The following MKNK1 variants were observed in gnomAD, a reference collection of about 807,000 sequenced individuals.
The protein encoded by MKNK1 is MAPK interacting serine/threonine kinase 1, also known as MAP kinase-interacting serine/threonine-protein kinase 1.
A neutral mutation model predicts 49.3 loss-of-function variants in MKNK1; 30 were observed. The ratio of observed to expected loss-of-function variants is 0.61; its 90% confidence interval spans 0.46 to 0.83. MKNK1 has a LOEUF of 0.83. Ranked by LOEUF, MKNK1 falls within the 40% of genes least tolerant of loss-of-function variation. The pLI, the probability that MKNK1 is intolerant of heterozygous loss-of-function variation, is 0.00. For missense variants in MKNK1, 423 were observed against 524.7 expected (o/e 0.81, Z 1.89); for synonymous variants, 176 against 201.7 (o/e 0.87, Z 1.08).
chr1:46,599,089 T>C (rs1674421027), intron 1 of MKNK1, among the ~76,000 whole-genome samples: 1 of 152,224 alleles, frequency 6.6e-6, no homozygotes, highest in South Asian at 2.1e-4. Flanking sequence ...GCTTCTGATA[T>C]GGCTTCCCCA....
chr1:46,576,378 A>G (rs1351546635), intron 5 of MKNK1, 197 bp downstream of exon 5: 2 of 555,658 alleles, frequency 3.6e-6, no homozygotes, highest in African/African-American at 1.9e-5. Flanking sequence ...AGTATTTCAG[A>G]AGAGATAATA....
At chr1:46,596,871 A>G (rs1194754101) in intron 1 of MKNK1, among the ~76,000 whole-genome samples, 1 of 152,224 alleles carries the variant, frequency 6.6e-6, no homozygotes, top group African/African-American at 2.4e-5. Flanking sequence ...GAATAAACTG[A>G]CAGCAAATAC....
chr1:46,592,169 G>A lies in MKNK1; in HGVS notation c.-3+1944C>T, dbSNP rs141237665. The stretch of plus-strand genomic sequence containing the variant: ...GCAGGAGAATCACTTGAACCCGGGA[G>A]GCGGAGGTTGCAGTGAGCCGAGGTC... On this transcript the variant is annotated intron_variant, in intron 2 of 12. Coordinates refer to ENST00000371945, the MANE Select transcript of MKNK1 (RefSeq NM_001135553.4). 7.5e-4 allele frequency among the ~76,000 whole-genome samples: 115 copies of A among 152,352 alleles called. 1 individual carries two copies. Among genetic ancestry groups the A allele is most frequent in the African/African-American group, 2.5e-3 (106 of 41,590 alleles).
chr1:46,564,579 C>T (rs1010140777), intron 9 of MKNK1, among the ~76,000 whole-genome samples: 5 of 144,190 alleles, frequency 3.5e-5, no homozygotes, highest in Non-Finnish European at 7.5e-5. Context: ...CGGGTTCAAG[C>T]GATTCTCCTG....
At chr1:46,567,868 C>T (rs1669350781) in intron 8 of MKNK1, among the ~76,000 whole-genome samples, 1 of 152,212 alleles carries the variant, frequency 6.6e-6, no homozygotes, top group Non-Finnish European at 1.5e-5. Context: ...CGTTTGCAAT[C>T]CCAGTACTTT....
intron 6 of MKNK1, chr1:46,574,561 C>CAAACA (rs1289319275): frequency 2.4e-5 from 4 of 167,502 alleles, no homozygotes; most frequent in Admixed American, 1.8e-4. Context: ...GTCTGTGTCC[C>CAAACA]AAACAATAGG....
In MKNK1 at chr1:46,581,425, G is replaced by A. The variant is rs144044527; in HGVS notation, c.101-798C>T. Among the ~76,000 whole-genome samples the A allele has an allele frequency of 9.8e-3, 1,451 of 147,762 alleles. 24 individuals carry two copies. The highest frequency in any genetic ancestry group is 0.034 in the African/African-American group (1,367 of 39,794). ...TTTCGGGGGCTGAGGCAGGAGAATC[G>A]CTTGAACCCGAGAGGCGGAGGTTGT... On this transcript the variant is annotated intron_variant, in intron 3 of 12. Transcript: ENST00000371945.
chr1:46,576,282 C>A (rs980626441), intron 5 of MKNK1: 4 of 334,950 alleles, frequency 1.2e-5, no homozygotes, highest in African/African-American at 2.1e-5. Flanking sequence ...CCACAGGTAC[C>A]GAAAGAAATA....
rs943787495 is a variant in MKNK1 at position 46,589,819 on chromosome 1, TC to T, written c.-3+4293del. On this transcript the variant is annotated intron_variant, in intron 2 of 12. Coordinates refer to ENST00000371945, the MANE Select transcript of MKNK1 (RefSeq NM_001135553.4). This position sits in a 1 kb window ranked among gnomAD's most constrained non-coding sequence, Gnocchi z 4.3. Reference sequence around the variant, plus strand: ...CCCTCTGGAAGAACTGTGTTACTTCTCCATAGTCTTATGAGCCACATTGTCC... The same window carrying T: ...CCCTCTGGAAGAACTGTGTTACTTCTCATAGTCTTATGAGCCACATTGTCC... Among the ~76,000 whole-genome samples the T allele has an allele frequency of 4.6e-5, 7 of 152,236 alleles. No individual in the cohort carries two copies. Among genetic ancestry groups the T allele is most frequent in the Admixed American group, 1.3e-4 (2 of 15,292 alleles).
intron 4 of MKNK1, among the ~76,000 whole-genome samples, chr1:46,579,570 C>T (rs1035559509): frequency 1.2e-4 from 19 of 152,226 alleles, no homozygotes; most frequent in African/African-American, 4.6e-4. Context: ...GTGTCAGAGT[C>T]ACCAGGAGAG....
rs564117241 is a variant in MKNK1, at chr1:46,567,992, C to T, written c.513+451G>A. On this transcript the variant is annotated intron_variant, in intron 8 of 12. Coordinates refer to ENST00000371945, the MANE Select transcript of MKNK1 (RefSeq NM_001135553.4). ...CAAAAATTAGCCAGGTGTGGTGGCA[C>T]ATGCCTGTTGTCTCAGCTACTTGGG... 1.0e-3 allele frequency among the ~76,000 whole-genome samples: 157 copies of T among 152,150 alleles called. 4 individuals are homozygous for T. The South Asian group carries it at 0.031, about 30-fold the overall frequency.
rs773009733 is a variant in MKNK1, at chr1:46,576,574, C to T, written c.278+1G>A. Reference sequence around the variant, plus strand: ...AGCAGCGAGAATCACATGATACTCACTTGTTTCCCTGACACTGATACAGCG... The same window carrying T: ...AGCAGCGAGAATCACATGATACTCATTTGTTTCCCTGACACTGATACAGCG... On this transcript the variant is annotated splice_donor_variant, in intron 5 of 12. Coordinates refer to ENST00000371945, the MANE Select transcript of MKNK1 (RefSeq NM_001135553.4). LOFTEE classifies it high-confidence loss of function. 2 of 1,613,268 alleles carry T rather than the reference C, an allele frequency of 1.2e-6. No individual in the cohort carries two copies. The highest frequency in any genetic ancestry group is 1.7e-6 in the Non-Finnish European group (2 of 1,179,244).
rs375590958 is a variant in MKNK1 at position 46,563,937 on chromosome 1, C to T, written c.610-1094G>A. ...GCGGGCGCCTGTAGTCCCAGCTACT[C>T]GGGAGGCTGAGGCAGGAGGATGGCA... is the stretch of plus-strand genomic sequence containing the variant. On this transcript the variant is annotated intron_variant, in intron 9 of 12. Coordinates refer to ENST00000371945, the MANE Select transcript of MKNK1 (RefSeq NM_001135553.4). Among the ~76,000 whole-genome samples the T allele has an allele frequency of 4.4e-3, 362 of 82,314 alleles. 7 individuals carry two copies. The East Asian group carries it at 0.044, about 10-fold the overall frequency. The allele number at this position is 82,314 out of a possible 152,430, so 54.0% of individuals were successfully genotyped here. A position where few individuals can be genotyped will look rare whatever the true frequency, so the allele number is the denominator to read the frequency against.
chr1:46,568,294 C>T (rs990116813), intron 8 of MKNK1, 149 bp downstream of exon 8: 2 of 695,120 alleles, frequency 2.9e-6, no homozygotes, highest in African/African-American at 3.6e-5. Flanking sequence ...AGAAACATCA[C>T]ACAGTAAGTG....
At chr1:46,592,000 G>A (rs1473835537) in intron 2 of MKNK1, among the ~76,000 whole-genome samples, 3 of 152,170 alleles carry the variant, frequency 2.0e-5, no homozygotes, top group Non-Finnish European at 4.4e-5. Flanking sequence ...AGCACTTTGC[G>A]AGGCTGAGGT....
Position 46,561,643 on chromosome 1 carries a change from C to T in MKNK1, c.805-1G>A. On this transcript the variant is annotated splice_acceptor_variant, in intron 10 of 12. Coordinates refer to ENST00000371945, the MANE Select transcript of MKNK1 (RefSeq NM_001135553.4). LOFTEE classifies it high-confidence loss of function. Reference sequence around the variant, plus strand: ...CCTGGATGCTTTCAAACAGCTTGTTCTAGGTACAAAAGATTCCTCCTGAGG... The same window carrying T: ...CCTGGATGCTTTCAAACAGCTTGTTTTAGGTACAAAAGATTCCTCCTGAGG... 6.2e-7 allele frequency: 1 copy of T among 1,613,798 alleles called. No homozygotes were observed. The highest frequency in any genetic ancestry group is 1.1e-5 in the South Asian group (1 of 91,024).
At chr1:46,570,596 T>G (rs1176193450) in intron 7 of MKNK1, among the ~76,000 whole-genome samples, 1 of 152,242 alleles carries the variant, frequency 6.6e-6, no homozygotes, top group Non-Finnish European at 1.5e-5. Flanking sequence ...GTGAGTGGCA[T>G]GCCTACCACT....
At chr1:46,596,466 A>G (rs1674078608) in intron 1 of MKNK1, among the ~76,000 whole-genome samples, 1 of 152,186 alleles carries the variant, frequency 6.6e-6, no homozygotes, top group South Asian at 2.1e-4. Context: ...ACAGTAGAAA[A>G]AAAACCCCTC....
intron 8 of MKNK1, among the ~76,000 whole-genome samples, chr1:46,565,964 A>AT (rs1423613802): frequency 6.6e-6 from 1 of 151,710 alleles, no homozygotes; most frequent in African/African-American, 2.4e-5. Context: ...TTAGCCTCTT[A>AT]TTAGTGGTAA....
Sources: gnomAD v4.1 joint callset for allele counts (sites outside exome capture counted in the v4.1 genomes callset) on GRCh38, gnomAD v4.1.1 for gene constraint, Gnocchi (gnomAD v3.1) non-coding constraint, MANE v1.5 for transcripts, NCBI Gene and HGNC (gene_info 2026-07-23, HGNC 2026-07-21) for gene names.